The following PATJ variants were observed in gnomAD, a reference collection of about 807,000 sequenced individuals.
PATJ encodes PATJ crumbs cell polarity complex component, also known as inaD-like protein.
PATJ carries 190 observed loss-of-function variants against 224.9 expected under a neutral mutation model. That is an observed-to-expected ratio of 0.84 (90% confidence interval 0.75 to 0.95). The LOEUF is 0.95. PATJ is among the 40% of genes least tolerant of loss of function. The pLI is 0.00. For synonymous variants in PATJ, 769 were observed against 820.3 expected, an observed-to-expected ratio of 0.94 and a Z score of 1.07; for missense variants, 2,121 against 2,270.3, an observed-to-expected ratio of 0.93 and a Z score of 1.34.
At chr1:61,939,957 AGCCACCGCGCCCG>A in intron 27 of PATJ, among the ~76,000 whole-genome samples, 1 of 152,022 alleles carries the variant, frequency 6.6e-6, no homozygotes, top group East Asian at 1.9e-4. Context: ...TACAGGTGTG[AGCCACCGCGCCCG>A]GCCTATATAT....
intron 22 of PATJ, among the ~76,000 whole-genome samples, chr1:61,886,325 A>G (rs1473040171): frequency 6.6e-6 from 1 of 152,212 alleles, no homozygotes. Context: ...CATTTTAACA[A>G]AAGTGTCCTC....
chr1:62,079,126 G>A (rs928843365), intron 31 of PATJ, among the ~76,000 whole-genome samples: 1 of 152,140 alleles, frequency 6.6e-6, no homozygotes, highest in Non-Finnish European at 1.5e-5. Flanking sequence ...TCATCAGAAT[G>A]AGTAGAAATT....
intron 28 of PATJ, among the ~76,000 whole-genome samples, chr1:61,999,364 T>C (rs1447404501): frequency 6.6e-6 from 1 of 152,176 alleles, no homozygotes; most frequent in Non-Finnish European, 1.5e-5. Flanking sequence ...ATATTAGCCT[T>C]TTGTATTTTA....
At chr1:61,876,993 G>T (rs1458712335) in intron 21 of PATJ, among the ~76,000 whole-genome samples, 1 of 152,190 alleles carries the variant, frequency 6.6e-6, no homozygotes, top group Non-Finnish European at 1.5e-5. Flanking sequence ...GATTTTGGAA[G>T]ATTTCAGACA....
intron 10 of PATJ, among the ~76,000 whole-genome samples, chr1:61,795,985 A>G (rs1651010311): frequency 6.6e-6 from 1 of 152,196 alleles, no homozygotes. Context: ...GGTATTTTAC[A>G]TATTTAAGAA....
rs547387469 is a variant in PATJ, at chr1:61,932,716, A to G, written c.3670+4887A>G. ...GGAGTTCAAGACCAGCCTGGCCAAC[A>G]TGGTGAAACCCCGTCTCTACTAAAA... On this transcript the variant is annotated intron_variant, in intron 27 of 43. Transcript: ENST00000642238. Among the ~76,000 whole-genome samples, 3 of 152,314 alleles carry G rather than the reference A, an allele frequency of 2.0e-5. No homozygotes were observed. In the East Asian group the frequency reaches 5.8e-4, roughly 29 times the overall value.
At position 61,756,563 on chromosome 1, in the gene PATJ, C is replaced by CTTTTTTTTT. The variant is rs370667808; in HGVS notation, c.-35-6278_-35-6270dup. Among the ~76,000 whole-genome samples the CTTTTTTTTT allele has an allele frequency of 5.5e-3, 363 of 65,580 alleles. 1 individual carries two copies. Among genetic ancestry groups the CTTTTTTTTT allele is most frequent in the East Asian group, 7.6e-3 (16 of 2,114 alleles). 43.0% of individuals were successfully genotyped at this position (65,580 alleles called of 152,430 possible). On this transcript the variant is annotated intron_variant, in intron 1 of 43. Coordinates refer to ENST00000642238, the MANE Select transcript of PATJ (RefSeq NM_001350145.3). ...CTTATATATTGCTAAAACCAGGACA[C>CTTTTTTTTT]TTTTTTTTTTTTTTTTTTTTTTTTT... is the stretch of plus-strand genomic sequence containing the variant.
intron 22 of PATJ, among the ~76,000 whole-genome samples, chr1:61,896,470 A>G (rs943615272): frequency 2.1e-4 from 32 of 152,062 alleles, no homozygotes; most frequent in Admixed American, 1.8e-3. Context: ...TTGATTTTAC[A>G]GGCTTCTAGG....
intron 1 of PATJ, among the ~76,000 whole-genome samples, chr1:61,749,340 A>G (rs1374523216): frequency 6.6e-6 from 1 of 152,032 alleles, no homozygotes; most frequent in African/African-American, 2.4e-5. Flanking sequence ...TTTTACAAAC[A>G]AGGGGACTGA....
At chr1:61,933,924 G>T (rs553938100) in intron 27 of PATJ, among the ~76,000 whole-genome samples, 1 of 151,098 alleles carries the variant, frequency 6.6e-6, no homozygotes, top group Admixed American at 6.6e-5. Flanking sequence ...TTTCGCATTC[G>T]TAGTTGTTCC....
At chr1:61,952,440 T>C (rs1166730671) in intron 27 of PATJ, 1 of 717,256 alleles carries the variant, frequency 1.4e-6, no homozygotes, top group Admixed American at 2.0e-5. Flanking sequence ...GTGTGATCTG[T>C]GGTTCTTTCG....
At position 61,767,249 on chromosome 1, in the gene PATJ, A is replaced by T. The variant is rs531939457; in HGVS notation, c.384+776A>T. 4.7e-4 allele frequency among the ~76,000 whole-genome samples: 71 copies of T among 152,352 alleles called. No homozygotes were observed. The South Asian group carries it at 0.014, about 30-fold the overall frequency. ...CCTCGACCTTCAAGTGCCATTAAAA[A>T]TGAAATGAAGTTTGAATGTGGTAGC... On this transcript the variant is annotated intron_variant, in intron 4 of 43. Transcript: ENST00000642238.
chr1:61,864,163 A>AT lies in PATJ; in HGVS notation c.2440-71dup. On this transcript the variant is annotated intron_variant, in intron 19 of 43. Coordinates refer to ENST00000642238, the MANE Select transcript of PATJ (RefSeq NM_001350145.3). ...TATGCAGTCACGCCAGCATTTGAAAATTTTCCAGTTTATCTATATAGTGCA... is the reference window on the plus strand; with the variant it reads ...TATGCAGTCACGCCAGCATTTGAAAATTTTTCCAGTTTATCTATATAGTGCA... The AT allele has an allele frequency of 2.2e-6, 3 of 1,336,910 alleles. No individual in the cohort carries two copies. In the South Asian group the frequency reaches 4.3e-5, roughly 19 times the overall value. 82.8% of individuals were successfully genotyped at this position (1,336,910 alleles called of 1,614,324 possible).
At chr1:61,815,721 G>T (rs574953404) in intron 14 of PATJ, among the ~76,000 whole-genome samples, 8 of 152,068 alleles carry the variant, frequency 5.3e-5, no homozygotes, top group Non-Finnish European at 1.2e-4. Context: ...ATATATTATG[G>T]GCTAATGTTA....
At chr1:61,746,241 C>G (rs1175458420) in intron 1 of PATJ, among the ~76,000 whole-genome samples, 2 of 152,120 alleles carry the variant, frequency 1.3e-5, no homozygotes, top group Admixed American at 1.3e-4. Flanking sequence ...CACGCCTGGC[C>G]TCTTTTAAAA....
chr1:61,950,619 C>G (rs940125856), intron 27 of PATJ, among the ~76,000 whole-genome samples: 1 of 152,174 alleles, frequency 6.6e-6, no homozygotes, highest in Admixed American at 6.5e-5. Context: ...TATTACCAAG[C>G]ATTTAAAGAA....
chr1:62,064,396 T>C (rs1381538365), intron 31 of PATJ, among the ~76,000 whole-genome samples: 1 of 151,268 alleles, frequency 6.6e-6, no homozygotes, highest in Non-Finnish European at 1.5e-5. Flanking sequence ...TGGCACAATC[T>C]CAGCTCACTG....
chr1:61,990,353 G>A lies in PATJ; in HGVS notation c.3856G>A (p.Glu1286Lys). The A allele has an allele frequency of 6.2e-7, 1 of 1,612,222 alleles. No individual in the cohort carries two copies. ...AADGRMRIGD[E>K]LLEINNQILY... ...AGATGGACGAATGCGTATTGGAGAT[G>A]AACTCTTAGAGGTGAGAAGCATGTG... is the stretch of plus-strand genomic sequence containing the variant. The change falls in exon 28 of 44, where the codon GAA becomes AAA. Residue 1286 changes from glutamate to lysine, a missense_variant. By Grantham distance (56) the Glu-to-Lys change is moderately conservative (BLOSUM62 1). Coordinates refer to ENST00000642238, the MANE Select transcript of PATJ (RefSeq NM_001350145.3).
intron 42 of PATJ, among the ~76,000 whole-genome samples, chr1:62,152,575 C>T (rs536466247): frequency 7.9e-5 from 12 of 151,936 alleles, no homozygotes; most frequent in African/African-American, 2.7e-4. Context: ...TGCTTGAATC[C>T]GGGAGGTGGA....
Sources: gnomAD v4.1 joint callset for allele counts (sites outside exome capture counted in the v4.1 genomes callset) on GRCh38, gnomAD v4.1.1 for gene constraint, MANE v1.5 for transcripts, NCBI Gene and HGNC (gene_info 2026-07-23, HGNC 2026-07-21) for gene names.